The following IPO5 variants were observed in gnomAD, a reference collection of about 807,000 sequenced individuals.
IPO5 encodes the protein importin-5.
In IPO5, 18 loss-of-function variants were observed where a neutral mutation model predicts 143.3. That is an observed-to-expected ratio of 0.13 (90% CI 0.09 to 0.19). IPO5 has a LOEUF of 0.19. Among genes scored for constraint, IPO5 ranks in the 10% least tolerant of loss-of-function variants. The pLI is 1.00. For missense variants in IPO5, 1,013 were observed against 1,336.9 expected (o/e 0.76, Z 3.78); for synonymous variants, 477 against 465.7 (o/e 1.02, Z -0.31).
chr13:98,021,850 C>CT lies in IPO5; in HGVS notation c.*29dup, dbSNP rs755680098. On this transcript the variant is annotated 3_prime_UTR_variant, in exon 29 of 29. Coordinates refer to ENST00000651721, the MANE Select transcript of IPO5 (RefSeq NM_002271.6). ...GGCCTTAATGTCACCCACCAGAAAA[C>CT]TAACTCCAAATAAACGCTTACCCTT... The CT allele has an allele frequency of 5.9e-5, 88 of 1,493,996 alleles. No homozygotes were observed. Among genetic ancestry groups the CT allele is most frequent in the Non-Finnish European group, 6.9e-5 (75 of 1,080,594 alleles). The allele number at this position is 1,493,996 out of a possible 1,614,324, so 92.5% of individuals were successfully genotyped here.
intron 11 of IPO5, among the ~76,000 whole-genome samples, chr13:97,997,081 T>G (rs1594091542): frequency 6.6e-6 from 1 of 152,200 alleles, no homozygotes; most frequent in African/African-American, 2.4e-5. Flanking sequence ...TGCTATTAAA[T>G]AAACTGAAAT....
intron 4 of IPO5, 48 bp downstream of exon 4, chr13:97,976,834 A>T (rs1481707159): frequency 4.8e-6 from 4 of 839,364 alleles, no homozygotes; most frequent in Non-Finnish European, 6.7e-6. Context: ...CGGCGCGCCG[A>T]CCCTTTACCG....
At chr13:97,989,280 T>TAC in intron 7 of IPO5, 116 bp downstream of exon 7, 2 of 546,114 alleles carry the variant, frequency 3.7e-6, no homozygotes, top group South Asian at 6.4e-5. Flanking sequence ...ATAATGCCTT[T>TAC]ACATAAGTTT....
At chr13:97,969,685 C>G (rs574428757) in intron 2 of IPO5, 38 bp from the exon 3 acceptor site, 10 of 844,588 alleles carry the variant, frequency 1.2e-5, no homozygotes, top group Middle Eastern at 2.2e-4. Flanking sequence ...AAATTAAGTA[C>G]CATCTAATGG....
At position 97,985,559 on chromosome 13, in the gene IPO5, A is replaced by C; in HGVS notation, c.310A>C (p.Ser104Arg). ...LMIIQMETQSSMRKKVCDIAA... is the reference protein window; with the variant it reads ...LMIIQMETQSRMRKKVCDIAA... Reference sequence around the variant, plus strand: ...GATTATTCAGATGGAAACACAATCTAGCATGAGGAAAAAAGTTTGTGATAT... The same window carrying C: ...GATTATTCAGATGGAAACACAATCTCGCATGAGGAAAAAAGTTTGTGATAT... Residue 104 changes from serine to arginine, a missense_variant, in exon 6 of 29, where the codon AGC (serine) becomes CGC (arginine). By Grantham distance (110) the Ser-to-Arg change is moderately radical. Around this residue, in one of 2 missense-constraint regions of IPO5, gnomAD observed 328 missense variants for 342.0 expected, o/e 0.96. Coordinates refer to ENST00000651721, the MANE Select transcript of IPO5 (RefSeq NM_002271.6). The C allele has an allele frequency of 2.5e-6, 4 of 1,614,114 alleles. No homozygotes were observed. In the East Asian group the frequency reaches 8.9e-5, roughly 36 times the overall value.
At chr13:98,012,636 A>G (rs1051143917) in intron 21 of IPO5, among the ~76,000 whole-genome samples, 8 of 152,034 alleles carry the variant, frequency 5.3e-5, no homozygotes, top group African/African-American at 1.9e-4. Flanking sequence ...ACTTTCCCCA[A>G]ATATCTTTTG....
At chr13:97,977,602 T>G (rs1886488936) in intron 4 of IPO5, among the ~76,000 whole-genome samples, 1 of 152,224 alleles carries the variant, frequency 6.6e-6, no homozygotes, top group Non-Finnish European at 1.5e-5. Context: ...AATCTCTTTT[T>G]TTCAAACCAC....
chr13:97,974,075 A>G (rs1886055970), intron 3 of IPO5, among the ~76,000 whole-genome samples: 1 of 152,154 alleles, frequency 6.6e-6, no homozygotes. Context: ...AATAATAATA[A>G]TAACAATAAT....
At chr13:98,015,500 T>C (rs757809913) in intron 22 of IPO5, 30 bp from the exon 23 acceptor site, 25 of 1,322,590 alleles carry the variant, frequency 1.9e-5, no homozygotes, top group East Asian at 9.2e-5. Flanking sequence ...CCAAATCTTA[T>C]GGATTGCTTT....
rs200393726 is a variant in IPO5 at position 98,004,873 on chromosome 13, ATATTT to A, written c.1498-1236_1498-1232del. Reference sequence around the variant, plus strand: ...AACTGGCTCAGGTTCATATGAGTTAATATTTTATTTTATTTTATTTTATTTATTTA... The same window carrying A: ...AACTGGCTCAGGTTCATATGAGTTAATATTTTATTTTATTTTATTTATTTA... On this transcript the variant is annotated intron_variant, in intron 16 of 28. Transcript: ENST00000651721. Among the ~76,000 whole-genome samples, 80 of 151,946 alleles carry A rather than the reference ATATTT, an allele frequency of 5.3e-4. No homozygotes were observed. In the East Asian group the frequency reaches 0.012, roughly 23 times the overall value.
chr13:97,959,710 G>C (rs533245445), intron 2 of IPO5, among the ~76,000 whole-genome samples: 1 of 152,240 alleles, frequency 6.6e-6, no homozygotes, highest in South Asian at 2.1e-4. Flanking sequence ...CTCCAGCCGG[G>C]GTGACGGACT....
At chr13:97,980,832 A>C (rs893009335) in intron 4 of IPO5, among the ~76,000 whole-genome samples, 2 of 151,860 alleles carry the variant, frequency 1.3e-5, no homozygotes, top group African/African-American at 4.8e-5. Flanking sequence ...ATCTCAAAAA[A>C]AAAAAAAAAA....
rs148641596 is a variant in IPO5, at chr13:97,960,628, G to A, written c.-113+6430G>A. ...GGCTGGAGTGCAATGGCATGATCTC[G>A]GCTCACTGCAACCTCCACCTCCTGG... On this transcript the variant is annotated intron_variant, in intron 2 of 28. Transcript: ENST00000651721. Among the ~76,000 whole-genome samples, 488 of 149,242 alleles carry A rather than the reference G, an allele frequency of 3.3e-3. 3 individuals carry two copies. Among genetic ancestry groups the A allele is most frequent in the East Asian group, 0.013 (64 of 5,098 alleles).
chr13:97,960,561 GTTT>G (rs67034804), intron 2 of IPO5, among the ~76,000 whole-genome samples: 1 of 141,670 alleles, frequency 7.1e-6, no homozygotes, highest in Non-Finnish European at 1.5e-5. Flanking sequence ...TATTTATTTG[GTTT>G]TTTTTTTTTT....
chr13:98,021,218 A>T, intron 28 of IPO5, 85 bp downstream of exon 28: 1 of 1,215,400 alleles, frequency 8.2e-7, no homozygotes, highest in African/African-American at 1.6e-5. Context: ...TAGAAATCTA[A>T]TGAGCTAAGG....
At position 97,990,132 on chromosome 13, in the gene IPO5, T is replaced by C. The variant is rs200450016; in HGVS notation, c.474T>C (p.Phe158=). 25 of 1,601,346 alleles carry C rather than the reference T, an allele frequency of 1.6e-5. No individual in the cohort carries two copies. The highest frequency in any genetic ancestry group is 4.5e-5 in the East Asian group (2 of 44,774). Residue 158 remains phenylalanine (F), a synonymous_variant, in exon 8 of 29, where the codon TTT becomes TTC. Transcript: ENST00000651721. ...TGTTTGGATTATCTTTTAGGAACTT[T>C]CCTGGAATTTTTGGGAACCAGCAAC... is the stretch of plus-strand genomic sequence containing the variant. The part of the protein sequence containing the change: ...REAALHIFWN[F]PGIFGNQQQH...
At chr13:97,983,840 C>A (rs1887070788) in intron 5 of IPO5, among the ~76,000 whole-genome samples, 1 of 151,620 alleles carries the variant, frequency 6.6e-6, no homozygotes, top group Non-Finnish European at 1.5e-5. Context: ...CTTTAAAAGC[C>A]ATATAAAAGT....
intron 2 of IPO5, among the ~76,000 whole-genome samples, chr13:97,955,648 G>A: frequency 6.6e-6 from 1 of 152,112 alleles, no homozygotes; most frequent in East Asian, 1.9e-4. Context: ...GCCGGAGCTG[G>A]GAGGATCCCC....
chr13:97,991,487 G>A (rs542154719), intron 9 of IPO5, among the ~76,000 whole-genome samples: 1 of 152,194 alleles, frequency 6.6e-6, no homozygotes, highest in African/African-American at 2.4e-5. Context: ...TAGAGGTTGA[G>A]TGTCTCTTAT....
Sources: allele counts gnomAD v4.1 joint callset (sites outside exome capture counted in the v4.1 genomes callset), GRCh38; gene constraint gnomAD v4.1.1; regional missense constraint gnomAD v4.1.1; transcripts MANE v1.5; gene names NCBI Gene and HGNC (gene_info 2026-07-23, HGNC 2026-07-21).